PCDH15: variants seen among roughly 807,000 people sequenced by gnomAD.
PCDH15 encodes the protein protocadherin-15.
In PCDH15, 129 loss-of-function variants were observed where a neutral mutation model predicts 178.5. That is an observed-to-expected ratio of 0.72 (90% CI 0.63 to 0.84). The LOEUF is 0.84. PCDH15 is among the 40% of genes least tolerant of loss of function. The pLI is 0.00. For missense variants in PCDH15, 2,230 were observed against 2,099.9 expected (o/e 1.06, Z -1.21); for synonymous variants, 800 against 732.0 (o/e 1.09, Z -1.50).
At chr10:54,462,019 T>C (rs2077194516) in intron 3 of PCDH15, among the ~76,000 whole-genome samples, 1 of 152,078 alleles carries the variant, frequency 6.6e-6, no homozygotes, top group Admixed American at 6.6e-5. Flanking sequence ...GATTGCTTAA[T>C]ATATAATCAT....
At chr10:53,835,043 T>C (rs1174442366) in intron 29 of PCDH15, among the ~76,000 whole-genome samples, 1 of 152,228 alleles carries the variant, frequency 6.6e-6, no homozygotes. Flanking sequence ...AAGCAAATCA[T>C]GGTTAGATCA....
chr10:53,820,792 G>C (rs556236348), intron 32 of PCDH15, among the ~76,000 whole-genome samples: 2 of 152,002 alleles, frequency 1.3e-5, no homozygotes, highest in South Asian at 4.1e-4. Flanking sequence ...TTTAACAATT[G>C]GAGCGCTAAG....
intron 8 of PCDH15, among the ~76,000 whole-genome samples, chr10:54,246,605 ACTT>A (rs902825574): frequency 2.0e-4 from 31 of 151,856 alleles, no homozygotes; most frequent in African/African-American, 7.2e-4. Context: ...TGAACTTTGT[ACTT>A]CTTCTAGGGT....
chr10:55,551,502 T>G (rs1167648444), intron 2 of PCDH15, among the ~76,000 whole-genome samples: 1 of 151,860 alleles, frequency 6.6e-6, no homozygotes, highest in East Asian at 1.9e-4. Context: ...AGTAGTAATT[T>G]GTCAATTTGA....
chr10:53,812,654 T>A (rs539418155), intron 35 of PCDH15, among the ~76,000 whole-genome samples: 1 of 152,340 alleles, frequency 6.6e-6, no homozygotes, highest in South Asian at 2.1e-4. Flanking sequence ...GAGATATACA[T>A]GTGAAAACGG....
At chr10:54,753,925 G>T (rs1275996292) in intron 1 of PCDH15, among the ~76,000 whole-genome samples, 5 of 133,090 alleles carry the variant, frequency 3.8e-5, no homozygotes, top group African/African-American at 1.4e-4. Flanking sequence ...ACTGAATCTC[G>T]CTCTGTTGCC....
upstream of PCDH15, chr10:54,801,378 C>CT (rs1952640306): frequency 6.6e-6 from 1 of 152,204 alleles, no homozygotes; most frequent in Admixed American, 6.5e-5. Context: ...AAACCACGCA[C>CT]TGACTGGTGA....
intron 20 of PCDH15, among the ~76,000 whole-genome samples, chr10:54,005,093 G>C (rs1589866978): frequency 6.6e-6 from 1 of 152,144 alleles, no homozygotes; most frequent in East Asian, 1.9e-4. Context: ...AATGATGCCA[G>C]GAAAACTGGA....
At chr10:54,757,965 T>A (rs967844840) in intron 1 of PCDH15, among the ~76,000 whole-genome samples, 5 of 152,190 alleles carry the variant, frequency 3.3e-5, no homozygotes, top group Admixed American at 2.6e-4. Flanking sequence ...AGACCCTTCA[T>A]TGCTTTATAT....
intron 2 of PCDH15, among the ~76,000 whole-genome samples, chr10:55,441,518 G>A (rs1424811686): frequency 6.6e-6 from 1 of 152,142 alleles, no homozygotes. Flanking sequence ...CTGACTGACT[G>A]CAGCAGAGAC....
rs2079493738 is a variant in PCDH15 at position 53,866,850 on chromosome 10, T to C, written c.3509A>G (p.Asp1170Gly). 1 of 1,603,958 alleles carries C rather than the reference T, an allele frequency of 6.2e-7. No individual in the cohort carries two copies. Among genetic ancestry groups the C allele is most frequent in the African/African-American group, 1.4e-5 (1 of 73,866 alleles). ...FTSVLRVKAT[D>G]KDTGNYSVMA... ...GACACTATAATTGCCAGTATCTTTA[T>C]CAGTAGCCTAGACGGAGGGGAAAAA... Residue 1170 changes from aspartate to glycine, a missense_variant, in exon 27 of 38, where the codon GAT becomes GGT. Physicochemically the swap from Asp to Gly is moderately conservative, Grantham distance 94. Coordinates refer to ENST00000644397, the MANE Select transcript of PCDH15 (RefSeq NM_001384140.1).
intron 2 of PCDH15, among the ~76,000 whole-genome samples, chr10:55,606,591 T>C (rs938447924): frequency 6.1e-5 from 9 of 147,194 alleles, no homozygotes; most frequent in African/African-American, 1.8e-4. Context: ...GAAATAATGC[T>C]GCATATCTAC....
At chr10:54,645,794 A>G (rs2094117915) in intron 2 of PCDH15, among the ~76,000 whole-genome samples, 1 of 152,182 alleles carries the variant, frequency 6.6e-6, no homozygotes, top group Non-Finnish European at 1.5e-5. Context: ...TTTAAATTGA[A>G]AATATTATTA....
At chr10:55,148,794 A>G (rs1838603995) in intron 2 of PCDH15, among the ~76,000 whole-genome samples, 1 of 150,230 alleles carries the variant, frequency 6.7e-6, no homozygotes, top group Non-Finnish European at 1.5e-5. Context: ...TCTTATATAT[A>G]AAACATGAGA....
At chr10:55,086,072 TA>T (rs574839425) in intron 2 of PCDH15, among the ~76,000 whole-genome samples, 299 of 151,854 alleles carry the variant, frequency 2.0e-3, no homozygotes, top group African/African-American at 7.0e-3. Context: ...TAATATGTAT[TA>T]TTTTTATATT....
In PCDH15 at chr10:55,345,516, G is replaced by A. The variant is rs145307769; in HGVS notation, c.-155-178865C>T. On this transcript the variant is annotated intron_variant, in intron 2 of 5. Coordinates refer to the PCDH15 transcript ENST00000613346. ...ATGGCAATTCCTCCACCCTCTTGTCGGTCCTGTACTCTATAAATCAGACCT... is the reference window on the plus strand; with the variant it reads ...ATGGCAATTCCTCCACCCTCTTGTCAGTCCTGTACTCTATAAATCAGACCT... Among the ~76,000 whole-genome samples, 300 of 152,046 alleles carry A rather than the reference G, an allele frequency of 2.0e-3. 3 individuals carry two copies. The highest frequency in any genetic ancestry group is 3.4e-3 in the Middle Eastern group (1 of 294).
chr10:54,010,083 G>C (rs930382758), intron 20 of PCDH15, among the ~76,000 whole-genome samples: 14 of 152,180 alleles, frequency 9.2e-5, no homozygotes, highest in African/African-American at 2.7e-4. Flanking sequence ...CTGAGTTCCT[G>C]GGTCGGGAGC....
chr10:54,658,942 A>G (rs2094450020), intron 2 of PCDH15, among the ~76,000 whole-genome samples: 1 of 152,158 alleles, frequency 6.6e-6, no homozygotes, highest in African/African-American at 2.4e-5. Flanking sequence ...AAGGGTGGAG[A>G]ATGATGTACT....
chr10:54,370,725 T>C (rs1947531026), intron 4 of PCDH15, among the ~76,000 whole-genome samples: 1 of 151,240 alleles, frequency 6.6e-6, no homozygotes, highest in Non-Finnish European at 1.5e-5. Flanking sequence ...ATACATATCC[T>C]ATTTTATTTA....
Sources: gnomAD v4.1 joint callset for allele counts (sites outside exome capture counted in the v4.1 genomes callset) on GRCh38, gnomAD v4.1.1 for gene constraint, MANE v1.5 for transcripts, NCBI Gene and HGNC (gene_info 2026-07-23, HGNC 2026-07-21) for gene names.